MCPH1: variants seen among roughly 807,000 people sequenced by gnomAD.
MCPH1 encodes the protein microcephalin.
In MCPH1, 104 loss-of-function variants were observed where a neutral mutation model predicts 84.5. The observed-to-expected ratio is 1.23, with a 90% confidence interval of 1.05 to 1.45. The LOEUF is 1.45. MCPH1 is among the 40% of genes most tolerant of loss of function. The pLI is 0.00. For synonymous variants in MCPH1, 514 were observed against 366.8 expected (o/e 1.40, Z -4.58); for missense variants, 1,498 against 1,005.7 (o/e 1.49, Z -6.62).
intron 3 of MCPH1, among the ~76,000 whole-genome samples, chr8:6,422,749 T>G (rs1800400997): frequency 6.6e-6 from 1 of 152,156 alleles, no homozygotes; most frequent in Admixed American, 6.5e-5. Flanking sequence ...AGTGCAGTGG[T>G]GCGATCTCGG....
chr8:6,550,943 T>C (rs1823540493), intron 12 of MCPH1, among the ~76,000 whole-genome samples: 1 of 152,178 alleles, frequency 6.6e-6, no homozygotes, highest in Admixed American at 6.5e-5. Context: ...AGTGCCTCTC[T>C]CTGTTTTGAC....
chr8:6,625,554 AAAGAC>A, intron 13 of MCPH1: 3 of 979,316 alleles, frequency 3.1e-6, no homozygotes, highest in African/African-American at 1.7e-5. Flanking sequence ...TAAATTATGA[AAAGAC>A]AATACTCAAA....
At chr8:6,536,210 A>G (rs949963871) in intron 12 of MCPH1, among the ~76,000 whole-genome samples, 2 of 152,168 alleles carry the variant, frequency 1.3e-5, no homozygotes, top group Non-Finnish European at 2.9e-5. Flanking sequence ...CAGAAACACT[A>G]GCGACAGGAA....
At chr8:6,417,123 G>A (rs991551255) in intron 3 of MCPH1, among the ~76,000 whole-genome samples, 4 of 152,132 alleles carry the variant, frequency 2.6e-5, no homozygotes, top group African/African-American at 9.7e-5. Flanking sequence ...CTTGTTGAAT[G>A]TGTAGTTGCC....
intron 13 of MCPH1, chr8:6,642,770 G>C (rs1229923047): frequency 3.4e-6 from 2 of 594,016 alleles, no homozygotes; most frequent in African/African-American, 1.8e-5. Flanking sequence ...CCAAGCACTT[G>C]AACTGGCCAG....
At chr8:6,439,454 G>T (rs186423404) in intron 6 of MCPH1, among the ~76,000 whole-genome samples, 1 of 149,572 alleles carries the variant, frequency 6.7e-6, no homozygotes, top group Non-Finnish European at 1.5e-5. Flanking sequence ...GCAGTGGCGC[G>T]ATCTGGGCTC....
chr8:6,539,771 G>C (rs1017079961), intron 12 of MCPH1, among the ~76,000 whole-genome samples: 2 of 152,248 alleles, frequency 1.3e-5, no homozygotes, highest in South Asian at 4.2e-4. Flanking sequence ...ATTTTTAATA[G>C]AGATGGGGCT....
chr8:6,599,705 A>G (rs900215048), intron 12 of MCPH1, among the ~76,000 whole-genome samples: 6 of 152,136 alleles, frequency 3.9e-5, no homozygotes, highest in Admixed American at 3.3e-4. Context: ...TTTCCCCTTG[A>G]TTTACTTTTT....
intron 12 of MCPH1, among the ~76,000 whole-genome samples, chr8:6,537,486 C>G (rs1223399184): frequency 6.6e-6 from 1 of 151,838 alleles, no homozygotes; most frequent in African/African-American, 2.4e-5. Flanking sequence ...CAGACATAGT[C>G]TTTAAAACTT....
intron 12 of MCPH1, among the ~76,000 whole-genome samples, chr8:6,541,848 T>A (rs1821636231): frequency 6.6e-6 from 1 of 151,680 alleles, no homozygotes; most frequent in Non-Finnish European, 1.5e-5. Flanking sequence ...TACAGAAAAT[T>A]TTTTTAAAAA....
intron 12 of MCPH1, among the ~76,000 whole-genome samples, chr8:6,525,639 T>C (rs915410445): frequency 2.0e-5 from 3 of 152,062 alleles, no homozygotes; most frequent in Admixed American, 6.5e-5. Context: ...TGTAATGATA[T>C]ACTTGCAAAT....
chr8:6,633,617 A>G (rs1797323467), intron 13 of MCPH1, among the ~76,000 whole-genome samples: 1 of 152,156 alleles, frequency 6.6e-6, no homozygotes, highest in Non-Finnish European at 1.5e-5. Flanking sequence ...AAGGGAAAAA[A>G]AAGACCCACC....
intron 13 of MCPH1, among the ~76,000 whole-genome samples, chr8:6,634,165 G>A (rs1797368190): frequency 6.6e-6 from 1 of 152,198 alleles, no homozygotes; most frequent in Non-Finnish European, 1.5e-5. Flanking sequence ...CTGAACCCGT[G>A]CCACTCAGTG....
intron 9 of MCPH1, among the ~76,000 whole-genome samples, chr8:6,455,630 G>C (rs2129556850): frequency 1.3e-5 from 2 of 152,278 alleles, no homozygotes; most frequent in Admixed American, 1.3e-4. Context: ...ACCAAGTCTT[G>C]ACCTCAAGCC....
In MCPH1 at chr8:6,444,986, A is replaced by C; in HGVS notation, c.1264A>C (p.Lys422Gln). The change falls in exon 8 of 14, where the codon AAG (lysine) becomes CAG (glutamine). Residue 422 changes from lysine to glutamine, a missense_variant. Lys to Gln is a moderately conservative substitution (Grantham distance 53). Transcript: ENST00000344683. ...TGACTATTTTTCACCTGATAATCTT[A>C]AGGAAAGGTATTCAGAGAATCTTCC... ...YDDYFSPDNLKERYSENLPPE... is the reference protein window; with the variant it reads ...YDDYFSPDNLQERYSENLPPE... 1 of 1,614,208 alleles carries C rather than the reference A, an allele frequency of 6.2e-7. No individual in the cohort carries two copies. The highest frequency in any genetic ancestry group is 8.5e-7 in the Non-Finnish European group (1 of 1,180,046).
At chr8:6,632,440 C>A (rs1020512335) in intron 13 of MCPH1, among the ~76,000 whole-genome samples, 1 of 152,130 alleles carries the variant, frequency 6.6e-6, no homozygotes, top group Non-Finnish European at 1.5e-5. Context: ...AAAAAGAAAT[C>A]TATTCACCTC....
intron 12 of MCPH1, among the ~76,000 whole-genome samples, chr8:6,563,572 T>C (rs1825860233): frequency 2.6e-5 from 4 of 152,240 alleles, no homozygotes; most frequent in Admixed American, 2.6e-4. Flanking sequence ...TCTGAGGTAA[T>C]AACTTTAATG....
intron 12 of MCPH1, among the ~76,000 whole-genome samples, chr8:6,587,029 G>T (rs899847170): frequency 6.6e-6 from 1 of 151,726 alleles, no homozygotes; most frequent in Non-Finnish European, 1.5e-5. Context: ...CTTTTCATTC[G>T]GCTCAGCGCT....
intron 9 of MCPH1, among the ~76,000 whole-genome samples, chr8:6,476,602 A>G (rs931971798): frequency 4.6e-5 from 7 of 152,210 alleles, no homozygotes; most frequent in Admixed American, 3.3e-4. Context: ...AGATTCTGTT[A>G]TCTTTCACCC....
Sources: allele counts gnomAD v4.1 joint callset (sites outside exome capture counted in the v4.1 genomes callset), GRCh38; gene constraint gnomAD v4.1.1; transcripts MANE v1.5; gene names NCBI Gene and HGNC (gene_info 2026-07-23, HGNC 2026-07-21).